Variants in ADAMTS5 observed in about 807,000 individuals in gnomAD.
ADAMTS5 encodes ADAM metallopeptidase with thrombospondin type 1 motif 5, also known as A disintegrin and metalloproteinase with thrombospondin motifs 5.
In ADAMTS5, 54 loss-of-function variants were observed where a neutral mutation model predicts 81.4. The ratio of observed to expected loss-of-function variants is 0.66; its 90% CI spans 0.53 to 0.83. The LOEUF is 0.83. Among genes scored for constraint, ADAMTS5 ranks in the 40% least tolerant of loss-of-function variants. The pLI is 0.00. For missense variants in ADAMTS5, 1,194 were observed against 1,229.9 expected, an observed-to-expected ratio of 0.97 and a Z score of 0.44; for synonymous variants, 532 against 508.8, an observed-to-expected ratio of 1.05 and a Z score of -0.61.
chr21:26,932,719 A>C (rs1404470437), intron 5 of ADAMTS5, 142 bp downstream of exon 5: 1 of 911,154 alleles, frequency 1.1e-6, no homozygotes, highest in Non-Finnish European at 1.5e-6. Flanking sequence ...ACAAACACAT[A>C]GGTGTTTGTT....
Position 26,919,474 on chromosome 21 carries a change from T to C in ADAMTS5, c.*4579A>G, listed in dbSNP as rs1050076153. On this transcript the variant is annotated 3_prime_UTR_variant, in exon 8 of 8. Transcript: ENST00000284987. Reference sequence around the variant, plus strand: ...GCTAACTAATGTGTATGTTAATGTCTTTTTTTTTTCAAAACCAACATCATC... The same window carrying C: ...GCTAACTAATGTGTATGTTAATGTCCTTTTTTTTTCAAAACCAACATCATC... The C allele has an allele frequency of 7.1e-5, 3 of 42,422 alleles. No homozygotes were observed. Among genetic ancestry groups the C allele is most frequent in the African/African-American group, 1.9e-4 (3 of 16,122 alleles). The allele number at this position is 42,422 out of a possible 1,614,324, so 2.6% of individuals were successfully genotyped here.
chr21:26,963,367 C>T (rs1235058705), intron 1 of ADAMTS5, among the ~76,000 whole-genome samples: 1 of 151,690 alleles, frequency 6.6e-6, no homozygotes, highest in Non-Finnish European at 1.5e-5. Flanking sequence ...TTCCTGTTTT[C>T]TGGGAAACAA....
chr21:26,932,991 G>A lies in ADAMTS5; in HGVS notation c.1743C>T (p.Arg581=), dbSNP rs1256001942. ...GSWGSWGQCS[R]SCGGGVQFAY... ...CAAACTGCACTCCTCCTCCACATGA[G>A]CGAGAACACTGGCCCCAGGATCCCC... The change falls in exon 5 of 8, where the codon CGC becomes CGT. Residue 581 remains arginine (R), a synonymous_variant. Transcript: ENST00000284987. 1 of 1,613,786 alleles carries A rather than the reference G, an allele frequency of 6.2e-7. No homozygotes were observed. Among genetic ancestry groups the A allele is most frequent in the African/African-American group, 1.3e-5 (1 of 74,892 alleles).
chr21:26,922,410 G>T lies in ADAMTS5; in HGVS notation c.*1643C>A, dbSNP rs1014323735. The T allele has an allele frequency of 1.3e-5, 2 of 151,936 alleles. No individual in the cohort carries two copies. The highest frequency in any genetic ancestry group is 2.9e-5 in the Non-Finnish European group (2 of 67,926). 9.4% of individuals were successfully genotyped at this position (151,936 alleles called of 1,614,324 possible). A position where few individuals can be genotyped will look rare whatever the true frequency, so the allele number is the denominator to read the frequency against. On this transcript the variant is annotated 3_prime_UTR_variant, in exon 8 of 8. Coordinates refer to ENST00000284987, the MANE Select transcript of ADAMTS5 (RefSeq NM_007038.5). ...AAAAATAAACTCTCATGAGCTTGTA[G>T]AACTCAAACAGTGGTTCCCTAAGAT...
intron 5 of ADAMTS5, 107 bp downstream of exon 5, chr21:26,932,754 G>T: frequency 8.1e-7 from 1 of 1,240,908 alleles, no homozygotes; most frequent in Non-Finnish European, 1.1e-6. Flanking sequence ...TGGTGGAACT[G>T]TGCAGTATAA....
intron 1 of ADAMTS5, among the ~76,000 whole-genome samples, chr21:26,955,695 T>G (rs1442952542): frequency 6.6e-6 from 1 of 152,172 alleles, no homozygotes; most frequent in Non-Finnish European, 1.5e-5. Context: ...AAGCCGCAAC[T>G]TTTTGACATG....
intron 2 of ADAMTS5, among the ~76,000 whole-genome samples, chr21:26,951,660 C>G (rs897756528): frequency 8.9e-6 from 1 of 112,358 alleles, no homozygotes; most frequent in African/African-American, 3.6e-5. Flanking sequence ...GCCTGGGCAA[C>G]AAGAGTGACC....
chr21:26,925,554 C>A (rs569547994), intron 7 of ADAMTS5, among the ~76,000 whole-genome samples: 1 of 152,184 alleles, frequency 6.6e-6, no homozygotes, highest in Non-Finnish European at 1.5e-5. Context: ...GCTAATTAAG[C>A]ACCAAGGGTG....
In ADAMTS5 at chr21:26,954,703, T is replaced by G. The variant is rs1465602024; in HGVS notation, c.1237+36A>C. ...TTCCTGTTGCAGCTGTTACAAGTGT[T>G]TGATTTGGTGAGGGAAAAGAAAAGG... On this transcript the variant is annotated intron_variant, in intron 2 of 7. Coordinates refer to ENST00000284987, the MANE Select transcript of ADAMTS5 (RefSeq NM_007038.5). The G allele has an allele frequency of 1.9e-6, 3 of 1,607,486 alleles. No individual in the cohort carries two copies. The African/African-American group carries it at 4.0e-5, about 22-fold the overall frequency.
chr21:26,966,052 C>T lies in ADAMTS5; in HGVS notation c.340G>A (p.Val114Met), dbSNP rs755070804. The T allele has an allele frequency of 6.2e-7, 1 of 1,613,122 alleles. No individual in the cohort carries two copies. Among genetic ancestry groups the T allele is most frequent in the Non-Finnish European group, 8.5e-7 (1 of 1,179,954 alleles). Residue 114 changes from valine (V) to methionine (M), a missense_variant, in exon 1 of 8, where the codon GTG becomes ATG. Coordinates refer to ENST00000284987, the MANE Select transcript of ADAMTS5 (RefSeq NM_007038.5). ...RDGSVGIAGF[V>M]PAGGGTSAPW... ...GCACTCGTCCCGCCTCCTGCGGGCA[C>T]GAAGCCAGCAATGCCCACCGAACCA...
At chr21:26,956,578 A>G (rs1336044762) in intron 1 of ADAMTS5, among the ~76,000 whole-genome samples, 1 of 152,104 alleles carries the variant, frequency 6.6e-6, no homozygotes. Context: ...CTCCCCCACA[A>G]TCATTTCACT....
At chr21:26,933,243 C>A (rs1986948737) in intron 4 of ADAMTS5, among the ~76,000 whole-genome samples, 199 bp from the exon 5 acceptor site, 2 of 152,124 alleles carry the variant, frequency 1.3e-5, no homozygotes, top group Admixed American at 6.5e-5. Context: ...TCCACCCTCC[C>A]AACTCCAGCA....
chr21:26,938,645 T>C (rs1290498692), intron 3 of ADAMTS5, among the ~76,000 whole-genome samples: 4 of 152,182 alleles, frequency 2.6e-5, no homozygotes, highest in African/African-American at 7.2e-5. Flanking sequence ...TTTTCCTGCC[T>C]CAGCCTCCTG....
At chr21:26,961,299 G>A (rs536338180) in intron 1 of ADAMTS5, among the ~76,000 whole-genome samples, 1 of 152,372 alleles carries the variant, frequency 6.6e-6, no homozygotes, top group East Asian at 1.9e-4. Context: ...CATAAGAAAT[G>A]CTCAATAGCA....
rs764292289 is a variant in ADAMTS5, at chr21:26,966,177, C to G, written c.215G>C (p.Gly72Ala). 1 of 1,605,752 alleles carries G rather than the reference C, an allele frequency of 6.2e-7. No homozygotes were observed. The highest frequency in any genetic ancestry group is 1.1e-5 in the South Asian group (1 of 89,950). The change falls in exon 1 of 8, where the codon GGG (glycine) becomes GCG (alanine). Residue 72 changes from glycine to alanine, a missense_variant. Gly to Ala is a moderately conservative substitution (Grantham distance 60, BLOSUM62 0). This residue lies in a region of ADAMTS5 where 498 missense variants were observed against 412.3 expected (regional missense o/e 1.21). Transcript: ENST00000284987. Reference sequence around the variant, plus strand: ...GAGTTGGTCGATGTTCTGCACCAGCCCCTTGCTCCTGCGCCGCTGCGCCAG... The same window carrying G: ...GAGTTGGTCGATGTTCTGCACCAGCGCCTTGCTCCTGCGCCGCTGCGCCAG... ...HPLAQRRRSK[G>A]LVQNIDQLYS... is the part of the protein sequence containing the mutation.
intron 1 of ADAMTS5, among the ~76,000 whole-genome samples, chr21:26,960,406 C>A (rs1335334631): frequency 6.6e-6 from 1 of 152,166 alleles, no homozygotes; most frequent in African/African-American, 2.4e-5. Context: ...TGTGTCCTCT[C>A]CAAACTCATC....
intron 7 of ADAMTS5, among the ~76,000 whole-genome samples, chr21:26,926,525 T>A (rs1200290294): frequency 1.3e-5 from 2 of 152,058 alleles, no homozygotes; most frequent in Admixed American, 1.3e-4. Flanking sequence ...ATACAAAAAG[T>A]AGCTGGGCAT....
Position 26,943,508 on chromosome 21 carries a change from C to A in ADAMTS5, c.1277G>T (p.Cys426Phe). Residue 426 changes from cysteine to phenylalanine, a missense_variant, in exon 3 of 8, where the codon TGT (cysteine) becomes TTT (phenylalanine). This residue lies in a region of ADAMTS5 where 696 missense variants were observed against 817.6 expected (regional missense o/e 0.85). Coordinates refer to ENST00000284987, the MANE Select transcript of ADAMTS5 (RefSeq NM_007038.5). ...LGLSHDDSKF[C>F]EETFGSTEDK... ...TTCTGTGGAACCAAAGGTCTCTTCA[C>A]AGAATTTGGAATCGTCATGGGAGAG... The A allele has an allele frequency of 6.2e-7, 1 of 1,613,630 alleles. No individual in the cohort carries two copies. Among genetic ancestry groups the A allele is most frequent in the Non-Finnish European group, 8.5e-7 (1 of 1,179,714 alleles).
Position 26,921,481 on chromosome 21 carries a change from G to A in ADAMTS5, c.*2572C>T, listed in dbSNP as rs2830581. On this transcript the variant is annotated 3_prime_UTR_variant, in exon 8 of 8. Transcript: ENST00000284987. ...TTTTTTTTTAAAGAAGTAGCCCCTA[G>A]CATCCTGAATTCTAGACATTTTAAA... The A allele has an allele frequency of 0.13, 18,670 of 146,200 alleles. 1,269 individuals carry two copies. Among genetic ancestry groups the A allele is most frequent in the Middle Eastern group, 0.18 (52 of 284 alleles). The allele number at this position is 146,200 out of a possible 1,614,324, so 9.1% of individuals were successfully genotyped here. A position where few individuals can be genotyped will look rare whatever the true frequency, so the allele number is the denominator to read the frequency against.
Sources: allele counts gnomAD v4.1 joint callset (sites outside exome capture counted in the v4.1 genomes callset), GRCh38; gene constraint gnomAD v4.1.1; regional missense constraint gnomAD v4.1.1; transcripts MANE v1.5; gene names NCBI Gene and HGNC (gene_info 2026-07-23, HGNC 2026-07-21).